The following TMEM120A variants were observed in gnomAD, a reference collection of about 807,000 sequenced individuals.
TMEM120A encodes the protein transmembrane protein 120A, also known as ion channel TACAN.
In TMEM120A, 45 loss-of-function variants were observed where a neutral mutation model predicts 54.3. The ratio of observed to expected loss-of-function variants is 0.83; its 90% CI spans 0.65 to 1.06. The LOEUF (loss-of-function observed/expected upper bound fraction) is 1.06. TMEM120A is among the 50% of genes least tolerant of loss of function. The pLI is 0.00. For missense variants in TMEM120A, 424 were observed against 441.7 expected (o/e 0.96, Z 0.36); for synonymous variants, 204 against 178.5 (o/e 1.14, Z -1.14).
rs888199370 is a variant in TMEM120A at position 75,987,956 on chromosome 7, G to A, written c.658C>T (p.Arg220Trp). ...WPDGLMYQKF[R>W]NQFLSFSMYQ... ...ATGGAAAAGGAGAGGAATTGGTTCC[G>A]GAATTTCTGGTACATGAGACCGTCG... is the stretch of plus-strand genomic sequence containing the variant. The change falls in exon 8 of 12, where the codon CGG (arginine) becomes TGG (tryptophan). Residue 220 changes from arginine (R) to tryptophan (W), a missense_variant. Arg to Trp is a moderately radical substitution (Grantham distance 101). Transcript: ENST00000493111. 4.4e-6 allele frequency: 7 copies of A among 1,602,684 alleles called. No homozygotes were observed. The African/African-American group carries it at 6.7e-5, about 15-fold the overall frequency.
rs1282503347 is a variant in TMEM120A at position 75,987,247 on chromosome 7, G to C, written c.957C>G (p.Leu319=). 2 of 1,607,620 alleles carry C rather than the reference G, an allele frequency of 1.2e-6. No individual in the cohort carries two copies. The highest frequency in any genetic ancestry group is 1.7e-6 in the Non-Finnish European group (2 of 1,177,606). Residue 319 remains leucine (L), a synonymous_variant, in exon 12 of 12, where the codon CTC becomes CTG. Transcript: ENST00000493111. The stretch of plus-strand genomic sequence containing the variant: ...CCCTCAGGGTGGTGAAGAAATTGCC[G>C]AGGAAAAGGAGGAGGAAGGGAAAGC... The part of the protein sequence containing the change: ...MCGFPFLLLF[L]GNFFTTLRVV...
At chr7:75,990,877 G>T (rs910188819) in intron 3 of TMEM120A, among the ~76,000 whole-genome samples, 1 of 131,014 alleles carries the variant, frequency 7.6e-6, no homozygotes, top group Non-Finnish European at 1.6e-5. Context: ...CCAGCCTAGC[G>T]ACAGAGTGAG....
intron 4 of TMEM120A, 86 bp downstream of exon 4, chr7:75,989,079 G>GGGGGT: frequency 2.2e-6 from 1 of 447,414 alleles, no homozygotes; most frequent in Non-Finnish European, 4.1e-6. Flanking sequence ...AGGCTGGGTG[G>GGGGGT]AGGGGTGGAG....
In TMEM120A at chr7:75,988,039, C is replaced by T. The variant is rs1158864925; in HGVS notation, c.629+44G>A. ...GACCCTTGGGGATGCCGTGTATCCC[C>T]TCCTTGTCCCAGCTCCTGCCCCTGC... is the stretch of plus-strand genomic sequence containing the variant. On this transcript the variant is annotated intron_variant, in intron 7 of 11. Coordinates refer to ENST00000493111, the MANE Select transcript of TMEM120A (RefSeq NM_031925.3). 3.8e-6 allele frequency: 6 copies of T among 1,596,556 alleles called. No homozygotes were observed. The East Asian group carries it at 9.1e-5, about 24-fold the overall frequency.
Position 75,988,527 on chromosome 7 carries a change from C to T in TMEM120A, c.378-11G>A. 2 of 1,596,734 alleles carry T rather than the reference C, an allele frequency of 1.3e-6. No individual in the cohort carries two copies. On this transcript the variant is annotated splice_polypyrimidine_tract_variant and intron_variant, in intron 4 of 11. Coordinates refer to ENST00000493111, the MANE Select transcript of TMEM120A (RefSeq NM_031925.3). ...TCCTTGTAGGCAAACCTGGGGGGCG[C>T]AGGCCGGTGAGACGGGTGGGGTGCT...
rs550598312 is a variant in TMEM120A, at chr7:75,991,469, G to A, written c.317+675C>T. 3.3e-5 allele frequency among the ~76,000 whole-genome samples: 5 copies of A among 152,122 alleles called. No homozygotes were observed. In the East Asian group the frequency reaches 9.6e-4, roughly 29 times the overall value. ...TGCCCAGGCTACAGTCCGGTGGTGC[G>A]ATCTCAGCTCACTGCAGCCTCCGCC... On this transcript the variant is annotated intron_variant, in intron 3 of 11. Transcript: ENST00000493111.
chr7:75,988,003 G>A lies in TMEM120A; in HGVS notation c.630-19C>T. ...GTCGGGCCTAAGGTAAAAAGTGGAG[G>A]GCAGTGTGGGGACCCTTGGGGATGC... is the stretch of plus-strand genomic sequence containing the variant. On this transcript the variant is annotated intron_variant, in intron 7 of 11. Coordinates refer to ENST00000493111, the MANE Select transcript of TMEM120A (RefSeq NM_031925.3). The A allele has an allele frequency of 6.3e-7, 1 of 1,596,678 alleles. No individual in the cohort carries two copies. Among genetic ancestry groups the A allele is most frequent in the Non-Finnish European group, 8.5e-7 (1 of 1,172,390 alleles).
rs562718362 is a variant in TMEM120A, at chr7:75,987,537, C to T, written c.849+1G>A. ...GGCAGGGACACAGAGGCACGACTTA[C>T]GTGTCCAAAGAAAAGAAAAGGCAGC... On this transcript the variant is annotated splice_donor_variant, in intron 10 of 11. Transcript: ENST00000493111. LOFTEE classifies it high-confidence loss of function. 4.1e-5 allele frequency: 65 copies of T among 1,590,352 alleles called. No homozygotes were observed. The highest frequency in any genetic ancestry group is 2.0e-4 in the Admixed American group (11 of 56,348).
intron 1 of TMEM120A, 62 bp from the exon 2 acceptor site, chr7:75,992,619 C>G (rs1789893441): frequency 7.8e-7 from 1 of 1,280,438 alleles, no homozygotes; most frequent in Non-Finnish European, 1.1e-6. Context: ...AGCCTGCAGG[C>G]AGGACGTGGC....
Position 75,987,702 on chromosome 7 carries a change from G to A in TMEM120A, c.784+16C>T. 2 of 1,611,496 alleles carry A rather than the reference G, an allele frequency of 1.2e-6. No homozygotes were observed. Among genetic ancestry groups the A allele is most frequent in the African/African-American group, 1.3e-5 (1 of 75,052 alleles). ...GAAAGGGGAATGTCCAGATGCCAGGGCCACTCCCGACTCACCCACAGTGAG... is the reference window on the plus strand; with the variant it reads ...GAAAGGGGAATGTCCAGATGCCAGGACCACTCCCGACTCACCCACAGTGAG... On this transcript the variant is annotated intron_variant, in intron 9 of 11. Transcript: ENST00000493111.
At position 75,987,970 on chromosome 7, in the gene TMEM120A, A is replaced by C; in HGVS notation, c.644T>G (p.Met215Arg). The C allele has an allele frequency of 6.2e-7, 1 of 1,602,146 alleles. No homozygotes were observed. The highest frequency in any genetic ancestry group is 8.5e-7 in the Non-Finnish European group (1 of 1,174,926). ...GAATTGGTTCCGGAATTTCTGGTAC[A>C]TGAGACCGTCGGGCCTAAGGTAAAA... is the stretch of plus-strand genomic sequence containing the variant. ...GVMLTWPDGL[M>R]YQKFRNQFLS... is the part of the protein sequence containing the mutation. Residue 215 changes from methionine to arginine, a missense_variant, in exon 8 of 12, where the codon ATG (methionine) becomes AGG (arginine). Coordinates refer to ENST00000493111, the MANE Select transcript of TMEM120A (RefSeq NM_031925.3).
intron 3 of TMEM120A, among the ~76,000 whole-genome samples, chr7:75,990,522 C>T (rs1374425684): frequency 2.6e-5 from 4 of 152,134 alleles, no homozygotes; most frequent in Non-Finnish European, 4.4e-5. Context: ...GTAGCTGCCC[C>T]TCAACCCAGT....
At chr7:75,994,106 C>T (rs782000449) in intron 1 of TMEM120A, among the ~76,000 whole-genome samples, 9 of 152,208 alleles carry the variant, frequency 5.9e-5, no homozygotes, top group Non-Finnish European at 1.2e-4. Flanking sequence ...CCCCTAAACG[C>T]TGCTCCCCCG....
At chr7:75,991,346 C>G (rs1267770633) in intron 3 of TMEM120A, among the ~76,000 whole-genome samples, 4 of 152,130 alleles carry the variant, frequency 2.6e-5, no homozygotes, top group African/African-American at 9.7e-5. Flanking sequence ...TCTCATGGCC[C>G]GTCCACCTGC....
At chr7:75,987,636 A>G (rs782233628) in intron 9 of TMEM120A, 34 bp from the exon 10 acceptor site, 3 of 1,605,402 alleles carry the variant, frequency 1.9e-6, no homozygotes, top group South Asian at 1.1e-5. Context: ...CAGGACGGCC[A>G]GGGACAGAGG....
At position 75,992,413 on chromosome 7, in the gene TMEM120A, T is replaced by C. The variant is rs782620491; in HGVS notation, c.200+26A>G. ...GCCCTCCCACCCCACACTCTGCCCA[T>C]GGCGGGTGGGGTAGGGGATCCTAAC... On this transcript the variant is annotated intron_variant, in intron 2 of 11. Coordinates refer to ENST00000493111, the MANE Select transcript of TMEM120A (RefSeq NM_031925.3). 6 of 1,581,220 alleles carry C rather than the reference T, an allele frequency of 3.8e-6. 1 individual carries two copies. The East Asian group carries it at 6.9e-5, about 18-fold the overall frequency.
chr7:75,987,993 A>G lies in TMEM120A; in HGVS notation c.630-9T>C. ...ACATGAGACCGTCGGGCCTAAGGTAAAAAGTGGAGGGCAGTGTGGGGACCC... is the reference window on the plus strand; with the variant it reads ...ACATGAGACCGTCGGGCCTAAGGTAGAAAGTGGAGGGCAGTGTGGGGACCC... On this transcript the variant is annotated splice_polypyrimidine_tract_variant and intron_variant, in intron 7 of 11. Coordinates refer to ENST00000493111, the MANE Select transcript of TMEM120A (RefSeq NM_031925.3). 6.3e-7 allele frequency: 1 copy of G among 1,599,480 alleles called. No individual in the cohort carries two copies. The highest frequency in any genetic ancestry group is 1.1e-5 in the South Asian group (1 of 88,912).
At position 75,992,162 on chromosome 7, in the gene TMEM120A, TA is replaced by T. The variant is rs1221423813; in HGVS notation, c.298del (p.Tyr100IlefsTer10). ...RQGLFFDMEA[Y>X]LPKKNGLYLS... ...CCCTCACCCATTCTTCTTAGGCAAA[TA>T]GGCCTCCATGTCAAAGAAGAGGCCT... On this transcript the variant is annotated frameshift_variant, in exon 3 of 12. Coordinates refer to ENST00000493111, the MANE Select transcript of TMEM120A (RefSeq NM_031925.3). LOFTEE classifies it high-confidence loss of function. 1 of 1,608,016 alleles carries T rather than the reference TA, an allele frequency of 6.2e-7. No homozygotes were observed. The highest frequency in any genetic ancestry group is 2.2e-5 in the East Asian group (1 of 44,778).
At chr7:75,990,897 C>CAAAAA (rs782090391) in intron 3 of TMEM120A, among the ~76,000 whole-genome samples, 2 of 45,580 alleles carry the variant, frequency 4.4e-5, no homozygotes, top group Admixed American at 2.3e-4. Flanking sequence ...GACTCTGTCT[C>CAAAAA]AAAAAAAAAA....
Sources: gnomAD v4.1 joint callset for allele counts (sites outside exome capture counted in the v4.1 genomes callset) on GRCh38, gnomAD v4.1.1 for gene constraint, MANE v1.5 for transcripts, NCBI Gene and HGNC (gene_info 2026-07-23, HGNC 2026-07-21) for gene names.